Variants in RIF1 observed in about 807,000 individuals in gnomAD.
The protein encoded by RIF1 is replication timing regulatory factor 1.
A neutral mutation model predicts 247.1 loss-of-function variants in RIF1; 45 were observed. The observed-to-expected ratio is 0.18, with a 90% CI of 0.14 to 0.23. The LOEUF is 0.23. RIF1 is among the 10% of genes least tolerant of loss of function. The pLI, the probability that RIF1 is intolerant of heterozygous loss-of-function variation, is 1.00. For missense variants in RIF1, 2,967 were observed against 2,862.5 expected (o/e 1.04, Z -0.83); for synonymous variants, 1,087 against 978.8 (o/e 1.11, Z -2.06).
intron 3 of RIF1, 44 bp downstream of exon 3, chr2:151,411,382 G>GT: frequency 9.5e-6 from 12 of 1,266,362 alleles, no homozygotes; most frequent in East Asian, 2.4e-5. Flanking sequence ...TTGGTAGTTT[G>GT]GTTTTTTTTT....
chr2:151,481,644 C>T lies in RIF1; in HGVS notation c.*6573C>T, dbSNP rs1346181997. ...TCTTAAAAATGATTTAAGTTGAAGC[C>T]TAACAGAAGTACTTGTTCATTCCTC... is the stretch of plus-strand genomic sequence containing the variant. On this transcript the variant is annotated 3_prime_UTR_variant, in exon 36 of 36. Transcript: ENST00000444746. 1.3e-5 allele frequency: 2 copies of T among 152,178 alleles called. No individual in the cohort carries two copies. Among genetic ancestry groups the T allele is most frequent in the African/African-American group, 2.4e-5 (1 of 41,444 alleles). 9.4% of individuals were successfully genotyped at this position (152,178 alleles called of 1,614,324 possible). A position where few individuals can be genotyped will look rare whatever the true frequency, so the allele number is the denominator to read the frequency against.
chr2:151,421,698 C>T (rs1425265094), intron 7 of RIF1, among the ~76,000 whole-genome samples: 1 of 152,142 alleles, frequency 6.6e-6, no homozygotes, highest in African/African-American at 2.4e-5. Flanking sequence ...GCGTGAGCCA[C>T]CACACCCAGC....
intron 3 of RIF1, among the ~76,000 whole-genome samples, chr2:151,411,970 CAG>C (rs1171941876): frequency 1.3e-5 from 2 of 152,202 alleles, no homozygotes; most frequent in African/African-American, 4.8e-5. Context: ...AAGCAGAGAT[CAG>C]AGATTAATCT....
chr2:151,471,455 C>T (rs1315091611), intron 34 of RIF1, among the ~76,000 whole-genome samples: 1 of 152,184 alleles, frequency 6.6e-6, no homozygotes, highest in Non-Finnish European at 1.5e-5. Flanking sequence ...ATGCCTATGT[C>T]CCAAATGGTA....
At chr2:151,496,827 A>T in intron 10 of RIF1, 1 of 1,255,850 alleles carries the variant, frequency 8.0e-7, no homozygotes, top group South Asian at 1.4e-5. Context: ...AATTTGCTAA[A>T]GAAAGAAGTT....
chr2:151,495,109 C>T (rs966317175), intron 9 of RIF1: 1 of 152,218 alleles, frequency 6.6e-6, no homozygotes, highest in African/African-American at 2.4e-5. Flanking sequence ...ATACAACATT[C>T]AGCTTATCAT....
At chr2:151,504,574 A>T (rs1482000394) in intron 12 of RIF1, among the ~76,000 whole-genome samples, 1 of 152,248 alleles carries the variant, frequency 6.6e-6, no homozygotes, top group African/African-American at 2.4e-5. Context: ...TGCAAGAGAA[A>T]TATCAAGTAT....
chr2:151,469,955 C>A, intron 34 of RIF1, 91 bp downstream of exon 34: 1 of 861,830 alleles, frequency 1.2e-6, no homozygotes, highest in Non-Finnish European at 1.7e-6. Flanking sequence ...TTCATAATGG[C>A]ACAGGGAAAT....
chr2:151,525,252 C>T, the RIF1 span: 11 of 1,613,358 alleles, frequency 6.8e-6, no homozygotes, highest in African/African-American at 1.2e-4. Flanking sequence ...TTCTCCTTGA[C>T]AAACTTCTTT....
At chr2:151,500,704 C>G (rs1258181940) in intron 11 of RIF1, among the ~76,000 whole-genome samples, 1 of 148,182 alleles carries the variant, frequency 6.7e-6, no homozygotes, top group African/African-American at 2.5e-5. Context: ...TTCAGATGAA[C>G]CTCCCACCTC....
chr2:151,461,692 A>C (rs1411830946), intron 27 of RIF1, among the ~76,000 whole-genome samples: 2 of 152,240 alleles, frequency 1.3e-5, no homozygotes, highest in East Asian at 3.9e-4. Context: ...ACACCCGGCC[A>C]CGTGTACTAA....
At chr2:151,507,655 CT>C in intron 13 of RIF1, 2 of 231,578 alleles carry the variant, frequency 8.6e-6, no homozygotes, top group Non-Finnish European at 1.7e-5. Context: ...TTCCCTGTTT[CT>C]TTGGGTAGTC....
Position 151,479,777 on chromosome 2 carries a change from G to C in RIF1, c.*4706G>C, listed in dbSNP as rs2049091538. The C allele has an allele frequency of 6.6e-6, 1 of 152,118 alleles. No individual in the cohort carries two copies. Among genetic ancestry groups the C allele is most frequent in the Admixed American group, 6.6e-5 (1 of 15,254 alleles). The allele number at this position is 152,118 out of a possible 1,614,324, so 9.4% of individuals were successfully genotyped here. On this transcript the variant is annotated 3_prime_UTR_variant, in exon 36 of 36. Transcript: ENST00000444746. The stretch of plus-strand genomic sequence containing the variant: ...CCTCACATATTTAAATAATCTGTAA[G>C]AACTACCCTGAAAGCACTAAGGAAA...
Position 151,437,268 on chromosome 2 carries a change from G to C in RIF1, c.1400G>C (p.Ser467Thr), listed in dbSNP as rs374699291. The stretch of plus-strand genomic sequence containing the variant: ...CCATTGGAACATCCGTTAATCAGCA[G>C]CCCTTCCTTTTTTTCCAAACATGCA... ...LEPLEHPLIS[S>T]PSFFSKHANT... The change falls in exon 13 of 36, where the codon AGC becomes ACC. Residue 467 changes from serine to threonine, a missense_variant. Ser to Thr is a moderately conservative substitution (Grantham distance 58). Transcript: ENST00000444746. 3.1e-6 allele frequency: 5 copies of C among 1,613,384 alleles called. No individual in the cohort carries two copies. Among genetic ancestry groups the C allele is most frequent in the African/African-American group, 2.7e-5 (2 of 74,876 alleles).
chr2:151,505,487 G>A lies in RIF1; in HGVS notation c.*862-723G>A. The A allele has an allele frequency of 6.2e-7, 1 of 1,613,708 alleles. No individual in the cohort carries two copies. Among genetic ancestry groups the A allele is most frequent in the Non-Finnish European group, 8.5e-7 (1 of 1,179,646 alleles). ...AGAGTATGGCCACTACCGAGCTAAT[G>A]TGCTTCTGCGTCTCCTTCACACGTT... On this transcript the variant is annotated intron_variant and NMD_transcript_variant, in intron 12 of 13. Transcript: ENST00000454583.
rs1696761552 is a variant in RIF1 at position 151,465,528 on chromosome 2, A to G, written c.6008A>G (p.Asn2003Ser). ...GCAGCTGGGGAACTAGATGGAGGAA[A>G]TGATGTATCTGATCTACACTCATCT... ...QTAAGELDGG[N>S]DVSDLHSSEE... The change falls in exon 30 of 36, where the codon AAT (asparagine) becomes AGT (serine). Residue 2003 changes from asparagine (N) to serine (S), a missense_variant. Physicochemically the swap from Asn to Ser is conservative, Grantham distance 46. Coordinates refer to ENST00000444746, the MANE Select transcript of RIF1 (RefSeq NM_018151.5). 2 of 1,609,960 alleles carry G rather than the reference A, an allele frequency of 1.2e-6. No homozygotes were observed. The highest frequency in any genetic ancestry group is 1.4e-5 in the African/African-American group (1 of 73,694).
At position 151,492,438 on chromosome 2, in the gene RIF1, C is replaced by G. The variant is rs756711705; in HGVS notation, c.*416-2791C>G. ...TCACCCGTCTCATCTCGGGGGTATC[C>G]AATACATAGGCAGCTTTGCCTTGTA... On this transcript the variant is annotated intron_variant and NMD_transcript_variant, in intron 9 of 13. Transcript: ENST00000454583. 4 of 1,613,170 alleles carry G rather than the reference C, an allele frequency of 2.5e-6. No homozygotes were observed. In the South Asian group the frequency reaches 4.4e-5, roughly 18 times the overall value.
chr2:151,457,410 A>C (rs1695387752), intron 23 of RIF1, among the ~76,000 whole-genome samples: 1 of 152,226 alleles, frequency 6.6e-6, no homozygotes, highest in African/African-American at 2.4e-5. Context: ...GGCGTGAACC[A>C]CTGAGCCCAG....
At chr2:151,461,644 G>A (rs1238488999) in intron 27 of RIF1, among the ~76,000 whole-genome samples, 5 of 151,724 alleles carry the variant, frequency 3.3e-5, no homozygotes, top group East Asian at 1.9e-4. Context: ...TGCCCACCTC[G>A]GCCTCCCAAA....
Sources: allele counts gnomAD v4.1 joint callset (sites outside exome capture counted in the v4.1 genomes callset), GRCh38; gene constraint gnomAD v4.1.1; transcripts MANE v1.5; gene names NCBI Gene and HGNC (gene_info 2026-07-23, HGNC 2026-07-21).